Variants in VWDE observed in about 807,000 individuals in gnomAD.
VWDE encodes von Willebrand factor D and EGF domains.
In VWDE, 207 loss-of-function variants were observed where a neutral mutation model predicts 178.4. That is an observed-to-expected ratio of 1.16 (90% CI 1.04 to 1.30). The LOEUF is 1.30. VWDE is among the 50% of genes most tolerant of loss of function. The pLI, the probability that VWDE is intolerant of heterozygous loss-of-function variation, is 0.00. For missense variants in VWDE, 2,287 were observed against 1,901.3 expected, an observed-to-expected ratio of 1.20 and a Z score of -3.77; for synonymous variants, 738 against 651.4, an observed-to-expected ratio of 1.13 and a Z score of -2.02.
chr7:12,387,994 T>C (rs1426685658), intron 3 of VWDE, among the ~76,000 whole-genome samples: 4 of 152,080 alleles, frequency 2.6e-5, no homozygotes, highest in Admixed American at 6.6e-5. Flanking sequence ...ACCTTAGGAG[T>C]GCACTCTCAA....
intron 3 of VWDE, among the ~76,000 whole-genome samples, chr7:12,388,108 T>C (rs969574348): frequency 2.5e-4 from 38 of 152,308 alleles, no homozygotes; most frequent in Admixed American, 2.2e-3. Flanking sequence ...AATCTGTGAC[T>C]GTTTTTTATT....
intron 18 of VWDE, among the ~76,000 whole-genome samples, chr7:12,354,869 T>C (rs867344194): frequency 3.3e-5 from 5 of 152,170 alleles, no homozygotes; most frequent in South Asian, 2.1e-4. Flanking sequence ...TAAGGACAAA[T>C]TGTTTAGTCT....
At chr7:12,369,472 T>C (rs1583314851) in intron 12 of VWDE, 73 bp downstream of exon 12, 2 of 1,438,988 alleles carry the variant, frequency 1.4e-6, no homozygotes, top group South Asian at 1.5e-5. Flanking sequence ...ATACTGAGGG[T>C]GAAATAAAGA....
rs189439406 is a variant in VWDE at position 12,351,543 on chromosome 7, C to G, written c.3886+30G>C. 7.2e-6 allele frequency: 11 copies of G among 1,520,640 alleles called. No individual in the cohort carries two copies. In the African/African-American group the frequency reaches 1.5e-4, roughly 21 times the overall value. The allele number at this position is 1,520,640 out of a possible 1,614,324, so 94.2% of individuals were successfully genotyped here. A position where few individuals can be genotyped will look rare whatever the true frequency, so the allele number is the denominator to read the frequency against. On this transcript the variant is annotated intron_variant, in intron 19 of 28. Coordinates refer to ENST00000275358, the MANE Select transcript of VWDE (RefSeq NM_001135924.3). ...AAAACAAGTAAGAGGAATTACTTGT[C>G]ATTAGATTTTAACTATGACCATTAC...
At chr7:12,365,682 G>T (rs908608348) in intron 13 of VWDE, among the ~76,000 whole-genome samples, 24 of 151,968 alleles carry the variant, frequency 1.6e-4, no homozygotes, top group Non-Finnish European at 3.1e-4. Context: ...TAGGGTTGGG[G>T]ATCCTAAAAT....
chr7:12,391,384 A>G (rs1476111807), intron 2 of VWDE, among the ~76,000 whole-genome samples: 1 of 152,214 alleles, frequency 6.6e-6, no homozygotes, highest in Non-Finnish European at 1.5e-5. Flanking sequence ...AGTACAAAAA[A>G]GGAATGAGAG....
In VWDE at chr7:12,370,080, C is replaced by G. The variant is rs1783093144; in HGVS notation, c.2226G>C (p.Met742Ile). Residue 742 changes from methionine (M) to isoleucine (I), a missense_variant, in exon 12 of 29, where the codon ATG becomes ATC. Transcript: ENST00000275358. ...TQGRGSHSQE[M>I]RYNRQNRWKR... Reference sequence around the variant, plus strand: ...TCCATCTGTTTTGTCGATTGTACCTCATTTCTTGGCTGTGGCTTCCCCGGC... The same window carrying G: ...TCCATCTGTTTTGTCGATTGTACCTGATTTCTTGGCTGTGGCTTCCCCGGC... The G allele has an allele frequency of 3.2e-6, 5 of 1,551,556 alleles. No individual in the cohort carries two copies. In the East Asian group the frequency reaches 1.2e-4, roughly 38 times the overall value.
At chr7:12,346,022 G>A (rs1193328289) in intron 19 of VWDE, among the ~76,000 whole-genome samples, 1 of 152,064 alleles carries the variant, frequency 6.6e-6, no homozygotes, top group Non-Finnish European at 1.5e-5. Flanking sequence ...TTCTCTACCT[G>A]AAATATTTTA....
At chr7:12,398,498 A>T (rs1323353614) in intron 1 of VWDE, among the ~76,000 whole-genome samples, 2 of 152,134 alleles carry the variant, frequency 1.3e-5, no homozygotes, top group East Asian at 3.9e-4. Flanking sequence ...GTATTCCTAC[A>T]TGTAGCTATA....
At position 12,349,235 on chromosome 7, in the gene VWDE, T is replaced by TAATAAATAAATA. The variant is rs372504783; in HGVS notation, c.3886+2326_3886+2337dup. 3.5e-3 allele frequency among the ~76,000 whole-genome samples: 454 copies of TAATAAATAAATA among 130,014 alleles called. 8 individuals carry two copies. Among genetic ancestry groups the TAATAAATAAATA allele is most frequent in the African/African-American group, 0.011 (412 of 38,754 alleles). 85.3% of individuals were successfully genotyped at this position (130,014 alleles called of 152,430 possible). A position where few individuals can be genotyped will look rare whatever the true frequency, so the allele number is the denominator to read the frequency against. ...AAAACTTAAAGTATAATAATCATAA[T>TAATAAATAAATA]AATAAATAAATAAATAAATAAATAA... On this transcript the variant is annotated intron_variant, in intron 19 of 28. Coordinates refer to ENST00000275358, the MANE Select transcript of VWDE (RefSeq NM_001135924.3).
intron 10 of VWDE, among the ~76,000 whole-genome samples, chr7:12,371,872 TC>T (rs1783222330): frequency 6.6e-6 from 1 of 152,112 alleles, no homozygotes; most frequent in Admixed American, 6.6e-5. Flanking sequence ...TATGACTTTT[TC>T]ATCTTACAAG....
chr7:12,379,691 A>G (rs1783733859), intron 5 of VWDE, 125 bp from the exon 6 acceptor site: 1 of 587,130 alleles, frequency 1.7e-6, no homozygotes, highest in Non-Finnish European at 2.7e-6. Flanking sequence ...AAAAGAATTA[A>G]ATAATTTAAA....
intron 21 of VWDE, among the ~76,000 whole-genome samples, chr7:12,343,894 G>T (rs1293024644): frequency 2.0e-5 from 3 of 151,994 alleles, no homozygotes; most frequent in Non-Finnish European, 4.4e-5. Flanking sequence ...TTTGCTTGAA[G>T]CTAAAACATT....
intron 4 of VWDE, among the ~76,000 whole-genome samples, chr7:12,381,214 T>G (rs1480029195): frequency 6.6e-6 from 1 of 152,188 alleles, no homozygotes; most frequent in African/African-American, 2.4e-5. Context: ...GAGGTGATTA[T>G]ACTATCTTAG....
intron 2 of VWDE, among the ~76,000 whole-genome samples, 166 bp from the exon 3 acceptor site, chr7:12,389,524 C>G (rs865979561): frequency 6.6e-6 from 1 of 152,000 alleles, no homozygotes; most frequent in Admixed American, 6.6e-5. Context: ...TTAAGGAATA[C>G]TAAATTTAAG....
At position 12,367,447 on chromosome 7, in the gene VWDE, A is replaced by G; in HGVS notation, c.2808T>C (p.Asp936=). 6.5e-7 allele frequency: 1 copy of G among 1,545,788 alleles called. No individual in the cohort carries two copies. Among genetic ancestry groups the G allele is most frequent in the South Asian group, 1.2e-5 (1 of 83,054 alleles). The part of the protein sequence containing the change: ...ITELGNAGFC[D]VQKYNCMMVR... ...CCATCATACAATTATATTTTTGAAC[A>G]TCACAGAATCCAGCATTCCCAAGCT... The change falls in exon 13 of 29, where the codon GAT becomes GAC. Residue 936 remains aspartate, a synonymous_variant. Coordinates refer to ENST00000275358, the MANE Select transcript of VWDE (RefSeq NM_001135924.3).
At chr7:12,360,233 A>G (rs1782501323) in intron 15 of VWDE, among the ~76,000 whole-genome samples, 1 of 152,204 alleles carries the variant, frequency 6.6e-6, no homozygotes, top group Non-Finnish European at 1.5e-5. Context: ...CATTAAATGT[A>G]GAAAGTATTC....
intron 1 of VWDE, among the ~76,000 whole-genome samples, chr7:12,398,566 G>C (rs1353082523): frequency 1.3e-5 from 2 of 152,098 alleles, no homozygotes; most frequent in Non-Finnish European, 2.9e-5. Flanking sequence ...ATTTGAGACT[G>C]ATCTTCCATC....
chr7:12,365,892 C>G (rs966497173), intron 13 of VWDE, among the ~76,000 whole-genome samples: 1 of 152,068 alleles, frequency 6.6e-6, no homozygotes, highest in African/African-American at 2.4e-5. Flanking sequence ...TGGTTTGGCT[C>G]TGTGTCTCCG....
Sources: gnomAD v4.1 joint callset for allele counts (sites outside exome capture counted in the v4.1 genomes callset) on GRCh38, gnomAD v4.1.1 for gene constraint, MANE v1.5 for transcripts, NCBI Gene and HGNC (gene_info 2026-07-23, HGNC 2026-07-21) for gene names.